ELMO1: variants seen among roughly 807,000 people sequenced by gnomAD.
ELMO1 encodes the protein engulfment and cell motility protein 1.
A neutral mutation model predicts 98.9 loss-of-function variants in ELMO1; 26 were observed. The ratio of observed to expected loss-of-function variants is 0.26; its 90% CI spans 0.19 to 0.36. The LOEUF (loss-of-function observed/expected upper bound fraction) is 0.36. Among genes scored for constraint, ELMO1 ranks in the 10% least tolerant of loss-of-function variants. The pLI is 1.00. For synonymous variants in ELMO1, 346 were observed against 346.0 expected (o/e 1.00, Z 0.00); for missense variants, 627 against 935.2 (o/e 0.67, Z 4.30).
chr7:37,000,938 T>TACACAC (rs145766627), intron 16 of ELMO1, among the ~76,000 whole-genome samples: 2,890 of 147,468 alleles, frequency 0.02, 83 homozygotes, highest in African/African-American at 0.067. Flanking sequence ...TATATGTGTA[T>TACACAC]ACACACACAC....
At chr7:37,259,658 G>A (rs574534273) in intron 5 of ELMO1, among the ~76,000 whole-genome samples, 1 of 152,256 alleles carries the variant, frequency 6.6e-6, no homozygotes, top group South Asian at 2.1e-4. Context: ...AACAGGATGC[G>A]GCAGAAAGGA....
chr7:37,421,146 T>C (rs888631866), intron 1 of ELMO1, among the ~76,000 whole-genome samples: 1 of 152,190 alleles, frequency 6.6e-6, no homozygotes, highest in African/African-American at 2.4e-5. Flanking sequence ...ACCAAACACT[T>C]TAGAATCCTG....
intron 6 of ELMO1, 55 bp from the exon 7 acceptor site, chr7:37,244,446 A>G: frequency 6.4e-7 from 1 of 1,566,368 alleles, no homozygotes; most frequent in Non-Finnish European, 8.7e-7. Context: ...AACAATTTTT[A>G]CACAAAGAAC....
intron 16 of ELMO1, chr7:36,984,814 A>G: frequency 1.3e-6 from 1 of 793,426 alleles, no homozygotes; most frequent in South Asian, 5.7e-5. Context: ...TAACATGATG[A>G]ATCCTCAAAA....
At chr7:37,388,413 A>AAT (rs1385234307) in intron 1 of ELMO1, among the ~76,000 whole-genome samples, 2 of 16,972 alleles carry the variant, frequency 1.2e-4, no homozygotes, top group African/African-American at 2.1e-4. Flanking sequence ...TTATGTAACT[A>AAT]ATTTTTTTTT....
intron 15 of ELMO1, among the ~76,000 whole-genome samples, chr7:37,034,593 T>C (rs1795074664): frequency 6.6e-6 from 1 of 152,144 alleles, no homozygotes; most frequent in East Asian, 1.9e-4. Context: ...GATTAATACA[T>C]ATTTTGCATG....
intron 13 of ELMO1, among the ~76,000 whole-genome samples, chr7:37,141,426 C>T (rs190731250): frequency 1.6e-4 from 24 of 152,142 alleles, no homozygotes; most frequent in African/African-American, 5.3e-4. Context: ...GTACACTGCT[C>T]GGGTGACAGG....
intron 16 of ELMO1, among the ~76,000 whole-genome samples, chr7:36,967,748 A>G (rs2082340346): frequency 6.6e-6 from 1 of 152,344 alleles, no homozygotes; most frequent in Non-Finnish European, 1.5e-5. Context: ...CACGAAATAA[A>G]AAAGAATTCA....
At chr7:36,857,724 AG>A (rs1268585508) in intron 21 of ELMO1, among the ~76,000 whole-genome samples, 1 of 152,230 alleles carries the variant, frequency 6.6e-6, no homozygotes, top group Non-Finnish European at 1.5e-5. Context: ...GTCCCCAAAA[AG>A]GGCTAAAAAA....
intron 1 of ELMO1, among the ~76,000 whole-genome samples, chr7:37,435,909 A>G (rs1306701698): frequency 2.0e-5 from 3 of 152,232 alleles, no homozygotes; most frequent in Non-Finnish European, 4.4e-5. Flanking sequence ...ATCATTCGCC[A>G]TCCTTCACCA....
At chr7:37,257,827 T>C (rs9770681) in intron 6 of ELMO1, among the ~76,000 whole-genome samples, 55,700 of 147,560 alleles carry the variant, frequency 0.38, 10,800 homozygotes, top group African/African-American at 0.51. Context: ...GGTGAAACCC[T>C]GTCTCTACTA....
chr7:37,187,525 A>G (rs1791287148), intron 13 of ELMO1, among the ~76,000 whole-genome samples: 1 of 152,210 alleles, frequency 6.6e-6, no homozygotes, highest in African/African-American at 2.4e-5. Flanking sequence ...AAGTGATTAA[A>G]TAAAACTTCC....
chr7:36,965,384 T>C (rs758504144), intron 16 of ELMO1, among the ~76,000 whole-genome samples: 209 of 152,158 alleles, frequency 1.4e-3, no homozygotes, highest in Non-Finnish European at 2.1e-3. Flanking sequence ...AAGGCACTTT[T>C]CCCCTAGGTT....
intron 1 of ELMO1, among the ~76,000 whole-genome samples, chr7:37,397,362 G>T (rs562349560): frequency 2.3e-4 from 35 of 152,328 alleles, no homozygotes; most frequent in South Asian, 6.2e-4. Context: ...ATTGATAGAA[G>T]GCTCAAGCCC....
chr7:36,934,838 A>T (rs1786372368), intron 16 of ELMO1, among the ~76,000 whole-genome samples: 1 of 152,206 alleles, frequency 6.6e-6, no homozygotes, highest in Non-Finnish European at 1.5e-5. Context: ...GGTTACAGCC[A>T]ATGACCCAGG....
At position 37,374,917 on chromosome 7, in the gene ELMO1, G is replaced by A. The variant is rs190071391; in HGVS notation, c.-73-32154C>T. Among the ~76,000 whole-genome samples, 70 of 151,660 alleles carry A rather than the reference G, an allele frequency of 4.6e-4. No homozygotes were observed. The East Asian group carries it at 0.011, about 25-fold the overall frequency. On this transcript the variant is annotated intron_variant, in intron 1 of 21. Transcript: ENST00000310758. ...TCTACTAAAAATACAAAAATTAGCC[G>A]GGCGTGGTGATGCATGCCTGTAATC... is the stretch of plus-strand genomic sequence containing the variant.
At chr7:37,363,250 A>C (rs1801767027) in intron 1 of ELMO1, among the ~76,000 whole-genome samples, 1 of 152,056 alleles carries the variant, frequency 6.6e-6, no homozygotes, top group Admixed American at 6.5e-5. Context: ...CAACCCTCAC[A>C]AACATTCCCT....
chr7:36,936,271 T>C (rs144974586), intron 16 of ELMO1, among the ~76,000 whole-genome samples: 115 of 152,228 alleles, frequency 7.6e-4, no homozygotes, highest in African/African-American at 2.7e-3. Context: ...GATGATGTGG[T>C]GTGCAAATGT....
At chr7:37,250,453 AT>A (rs1795281264) in intron 6 of ELMO1, among the ~76,000 whole-genome samples, 1 of 152,076 alleles carries the variant, frequency 6.6e-6, no homozygotes, top group Non-Finnish European at 1.5e-5. Flanking sequence ...AATTATTCTT[AT>A]TTTTTCCTTC....
Sources: allele counts gnomAD v4.1 joint callset (sites outside exome capture counted in the v4.1 genomes callset), GRCh38; gene constraint gnomAD v4.1.1; transcripts MANE v1.5; gene names NCBI Gene and HGNC (gene_info 2026-07-23, HGNC 2026-07-21).